The following SPAG16 variants were observed in gnomAD, a reference collection of about 807,000 sequenced individuals.
The protein encoded by SPAG16 is sperm-associated antigen 16 protein.
Under a neutral mutation model 80.4 loss-of-function variants are expected in SPAG16, and 86 were observed. The observed-to-expected ratio is 1.07, with a 90% CI of 0.90 to 1.28. The LOEUF (loss-of-function observed/expected upper bound fraction) is 1.28. SPAG16 is among the 50% of genes most tolerant of loss of function. SPAG16 has a pLI of 0.00. For synonymous variants in SPAG16, 294 were observed against 265.9 expected (o/e 1.11, Z -1.03); for missense variants, 870 against 765.3 (o/e 1.14, Z -1.61).
intron 10 of SPAG16, among the ~76,000 whole-genome samples, chr2:213,663,974 C>A (rs1227349389): frequency 6.6e-6 from 1 of 152,086 alleles, no homozygotes; most frequent in Non-Finnish European, 1.5e-5. Context: ...TATTATCTTA[C>A]AGTTCTGGAA....
At chr2:214,216,705 A>G (rs1196527012) in intron 15 of SPAG16, among the ~76,000 whole-genome samples, 1 of 152,222 alleles carries the variant, frequency 6.6e-6, no homozygotes, top group Admixed American at 6.5e-5. Flanking sequence ...GTAAAGACTA[A>G]TATTTTCTCA....
At chr2:213,686,008 A>G (rs976647259) in intron 10 of SPAG16, among the ~76,000 whole-genome samples, 19 of 152,238 alleles carry the variant, frequency 1.2e-4, no homozygotes, top group African/African-American at 4.6e-4. Context: ...ATTTTGACAT[A>G]TAATTATAAA....
chr2:213,298,569 T>C (rs928872013), intron 3 of SPAG16, among the ~76,000 whole-genome samples: 1 of 152,196 alleles, frequency 6.6e-6, no homozygotes. Context: ...AATAAGAGAA[T>C]GGATAAGTGG....
intron 14 of SPAG16, among the ~76,000 whole-genome samples, chr2:214,141,231 G>A (rs907099027): frequency 2.0e-5 from 3 of 152,094 alleles, no homozygotes; most frequent in Non-Finnish European, 4.4e-5. Flanking sequence ...CACTTTGGGA[G>A]GCCAAGGTAG....
At chr2:213,753,323 T>A (rs2068170429) in intron 10 of SPAG16, among the ~76,000 whole-genome samples, 1 of 152,132 alleles carries the variant, frequency 6.6e-6, no homozygotes, top group Non-Finnish European at 1.5e-5. Flanking sequence ...ATTTTTTCAA[T>A]CTTATGCTAT....
intron 9 of SPAG16, among the ~76,000 whole-genome samples, chr2:213,386,321 T>A (rs2067427017): frequency 6.6e-6 from 1 of 152,128 alleles, no homozygotes; most frequent in Non-Finnish European, 1.5e-5. Flanking sequence ...TAAATATATA[T>A]ATATTTTGGT....
intron 9 of SPAG16, among the ~76,000 whole-genome samples, chr2:213,488,945 C>G (rs889546293): frequency 6.6e-6 from 1 of 151,444 alleles, no homozygotes; most frequent in African/African-American, 2.4e-5. Flanking sequence ...CGTGGTGGCA[C>G]GCGCCTGTAG....
chr2:214,410,026 C>A, intron 15 of SPAG16, 114 bp from the exon 16 acceptor site: 1 of 1,141,602 alleles, frequency 8.8e-7, no homozygotes, highest in Non-Finnish European at 1.3e-6. Flanking sequence ...ATAACTGACC[C>A]CTAACACAGA....
chr2:213,480,053 A>G (rs1340714936), intron 9 of SPAG16, among the ~76,000 whole-genome samples: 1 of 152,228 alleles, frequency 6.6e-6, no homozygotes, highest in Non-Finnish European at 1.5e-5. Flanking sequence ...TTAAAATTCA[A>G]AGATAAGAAG....
intron 10 of SPAG16, among the ~76,000 whole-genome samples, chr2:213,599,515 A>C (rs766436799): frequency 6.6e-6 from 1 of 152,342 alleles, no homozygotes; most frequent in Middle Eastern, 3.4e-3. Context: ...CTTAATGGAT[A>C]GTAAATGTAA....
At chr2:213,537,014 T>G (rs113958567) in intron 10 of SPAG16, among the ~76,000 whole-genome samples, 13,033 of 151,680 alleles carry the variant, frequency 0.086, 1,400 homozygotes, top group African/African-American at 0.25. Context: ...CCTTTGTAGG[T>G]ACATGGATGA....
At chr2:213,970,625 G>A (rs1011687208) in intron 12 of SPAG16, among the ~76,000 whole-genome samples, 20 of 152,154 alleles carry the variant, frequency 1.3e-4, no homozygotes, top group Non-Finnish European at 5.9e-5. Context: ...GTTTATAACA[G>A]CACACTATTG....
intron 10 of SPAG16, among the ~76,000 whole-genome samples, chr2:213,796,292 A>T (rs1237233037): frequency 6.6e-6 from 1 of 152,136 alleles, no homozygotes; most frequent in African/African-American, 2.4e-5. Context: ...TTACCCCCGA[A>T]AAAAGTCCAT....
At chr2:213,579,571 C>A (rs1379942114) in intron 10 of SPAG16, among the ~76,000 whole-genome samples, 4 of 152,004 alleles carry the variant, frequency 2.6e-5, no homozygotes, top group African/African-American at 9.7e-5. Flanking sequence ...TAGATAGGAT[C>A]CATTAAAAAT....
At chr2:213,418,073 A>G (rs1430336914) in intron 9 of SPAG16, among the ~76,000 whole-genome samples, 1 of 152,126 alleles carries the variant, frequency 6.6e-6, no homozygotes, top group Non-Finnish European at 1.5e-5. Flanking sequence ...ATGTTTCACC[A>G]TATTGGTCAG....
intron 10 of SPAG16, among the ~76,000 whole-genome samples, chr2:213,633,398 T>A (rs2062230329): frequency 6.6e-6 from 1 of 152,212 alleles, no homozygotes; most frequent in Non-Finnish European, 1.5e-5. Flanking sequence ...TGCTTGATAT[T>A]ATTTCAATTT....
chr2:213,676,769 G>T (rs1271275555), intron 10 of SPAG16, among the ~76,000 whole-genome samples: 1 of 150,574 alleles, frequency 6.6e-6, no homozygotes, highest in African/African-American at 2.5e-5. Context: ...TTGATGTGCT[G>T]CTGGATTCGG....
chr2:213,357,555 T>G (rs991782125), intron 7 of SPAG16, among the ~76,000 whole-genome samples: 6 of 152,180 alleles, frequency 3.9e-5, no homozygotes, highest in Non-Finnish European at 5.9e-5. Context: ...TTAAAGTCGT[T>G]TTATCAGAGA....
intron 10 of SPAG16, among the ~76,000 whole-genome samples, chr2:213,688,894 TTTC>T (rs2125287546): frequency 6.6e-6 from 1 of 152,316 alleles, no homozygotes; most frequent in South Asian, 2.1e-4. Context: ...AACTTCCCTG[TTTC>T]TTCTTAACCT....
Sources: allele counts gnomAD v4.1 joint callset (sites outside exome capture counted in the v4.1 genomes callset), GRCh38; gene constraint gnomAD v4.1.1; transcripts MANE v1.5; gene names NCBI Gene and HGNC (gene_info 2026-07-23, HGNC 2026-07-21).